DENND1A: variants seen among roughly 807,000 people sequenced by gnomAD.
The protein encoded by DENND1A is DENN domain-containing protein 1A.
DENND1A carries 51 observed loss-of-function variants against 113.7 expected under a neutral mutation model. The observed-to-expected ratio is 0.45, with a 90% confidence interval of 0.36 to 0.57. The LOEUF (loss-of-function observed/expected upper bound fraction) is 0.57. DENND1A is among the 20% of genes least tolerant of loss of function. DENND1A has a pLI of 0.00. For synonymous variants in DENND1A, 565 were observed against 570.8 expected (o/e 0.99, Z 0.14); for missense variants, 1,258 against 1,395.9 (o/e 0.90, Z 1.57).
At chr9:123,711,513 G>GTGTATATATATACATATA (rs1369120234) in intron 5 of DENND1A, among the ~76,000 whole-genome samples, 6 of 120,986 alleles carry the variant, frequency 5.0e-5, no homozygotes, top group African/African-American at 2.0e-4. Context: ...ATGTATATAT[G>GTGTATATATATACATATA]TATATATATA....
rs557753681 is a variant in DENND1A at position 123,427,186 on chromosome 9, C to A, written c.1488+13174G>T. Among the ~76,000 whole-genome samples, 8 of 152,342 alleles carry A rather than the reference C, an allele frequency of 5.3e-5. No homozygotes were observed. In the East Asian group the frequency reaches 9.6e-4, roughly 18 times the overall value. ...TGATCACACAAGCACAAATCTGGGC[C>A]TTTCAAAACTACCAGATGGATTCTG... On this transcript the variant is annotated intron_variant, in intron 19 of 23. Transcript: ENST00000394215.
intron 10 of DENND1A, among the ~76,000 whole-genome samples, chr9:123,628,549 C>T (rs548116135): frequency 9.2e-5 from 14 of 152,218 alleles, no homozygotes; most frequent in Non-Finnish European, 1.5e-4. Context: ...AAAACACTCC[C>T]TGAGGAACAG....
intron 9 of DENND1A, among the ~76,000 whole-genome samples, chr9:123,643,020 T>C (rs925973564): frequency 6.6e-6 from 1 of 152,116 alleles, no homozygotes; most frequent in African/African-American, 2.4e-5. Flanking sequence ...ACTCAGACAA[T>C]GGATGCTGTC....
chr9:123,828,386 T>C (rs975035547), intron 2 of DENND1A, among the ~76,000 whole-genome samples: 1 of 152,012 alleles, frequency 6.6e-6, no homozygotes, highest in Non-Finnish European at 1.5e-5. Context: ...GAGTAAGTTA[T>C]ATATGAACTA....
At chr9:123,669,936 T>C (rs185570684) in intron 7 of DENND1A, among the ~76,000 whole-genome samples, 11 of 152,284 alleles carry the variant, frequency 7.2e-5, no homozygotes, top group African/African-American at 2.6e-4. Flanking sequence ...AGGCTTGAAG[T>C]TAGCCCTGGC....
chr9:123,746,467 C>T lies in DENND1A; in HGVS notation c.302+11236G>A, dbSNP rs77768222. Among the ~76,000 whole-genome samples, 848 of 152,258 alleles carry T rather than the reference C, an allele frequency of 5.6e-3. 4 individuals are homozygous for T. The highest frequency in any genetic ancestry group is 0.024 in the South Asian group (116 of 4,824). On this transcript the variant is annotated intron_variant, in intron 5 of 23. Transcript: ENST00000394215. ...CAGTTTGAATATCCCTTATCCAAAA[C>T]ATATGGGACCAGAAATGTTTCAGAT...
intron 11 of DENND1A, among the ~76,000 whole-genome samples, chr9:123,597,452 C>T (rs891689626): frequency 6.6e-6 from 1 of 152,142 alleles, no homozygotes; most frequent in Admixed American, 6.5e-5. Context: ...ACCCACGAGC[C>T]TAGGAGCCCT....
intron 2 of DENND1A, among the ~76,000 whole-genome samples, chr9:123,825,487 T>A (rs1219357559): frequency 6.6e-6 from 1 of 152,156 alleles, no homozygotes; most frequent in Non-Finnish European, 1.5e-5. Context: ...TCTCAAATGA[T>A]CCTGAAATGT....
chr9:123,669,493 G>C (rs749810583), intron 7 of DENND1A, among the ~76,000 whole-genome samples: 1 of 152,212 alleles, frequency 6.6e-6, no homozygotes, highest in Non-Finnish European at 1.5e-5. Context: ...AAACAGCTGC[G>C]CCACCCCAGC....
At chr9:123,615,301 T>C (rs986271149) in intron 10 of DENND1A, among the ~76,000 whole-genome samples, 4 of 152,238 alleles carry the variant, frequency 2.6e-5, no homozygotes, top group Non-Finnish European at 5.9e-5. Context: ...AAATCATTCA[T>C]CTGACGTCAC....
At chr9:123,517,935 T>G (rs1320806793) in intron 13 of DENND1A, among the ~76,000 whole-genome samples, 1 of 152,214 alleles carries the variant, frequency 6.6e-6, no homozygotes, top group Non-Finnish European at 1.5e-5. Context: ...TCTATGCTTT[T>G]CTGTCTTTTC....
At chr9:123,651,803 T>A (rs2062674629) in intron 9 of DENND1A, among the ~76,000 whole-genome samples, 1 of 152,120 alleles carries the variant, frequency 6.6e-6, no homozygotes, top group South Asian at 2.1e-4. Flanking sequence ...AATGGAAAGC[T>A]ATTTATAATT....
chr9:123,652,741 T>G (rs930183162), intron 8 of DENND1A, among the ~76,000 whole-genome samples: 2 of 152,136 alleles, frequency 1.3e-5, no homozygotes, highest in Non-Finnish European at 2.9e-5. Context: ...TTTCGAACAT[T>G]TACAATTTCC....
chr9:123,540,230 T>A (rs1209839841), intron 13 of DENND1A, among the ~76,000 whole-genome samples: 2 of 152,244 alleles, frequency 1.3e-5, no homozygotes, highest in African/African-American at 4.8e-5. Flanking sequence ...TGCTGTATTA[T>A]CTAACTTAAT....
chr9:123,466,066 T>C (rs1247741740), intron 13 of DENND1A, among the ~76,000 whole-genome samples: 1 of 152,190 alleles, frequency 6.6e-6, no homozygotes, highest in African/African-American at 2.4e-5. Flanking sequence ...AGTGGCGCGA[T>C]CTCGGCTCAC....
intron 13 of DENND1A, among the ~76,000 whole-genome samples, chr9:123,469,785 G>A (rs1316060166): frequency 2.6e-5 from 4 of 152,190 alleles, no homozygotes; most frequent in Non-Finnish European, 4.4e-5. Context: ...TCACAGCATC[G>A]CGTGAGGTAG....
At chr9:123,718,894 A>G (rs909179269) in intron 5 of DENND1A, among the ~76,000 whole-genome samples, 10 of 152,216 alleles carry the variant, frequency 6.6e-5, no homozygotes, top group African/African-American at 2.4e-4. Flanking sequence ...TGTAGCTCCC[A>G]TAATTCCCAC....
intron 20 of DENND1A, among the ~76,000 whole-genome samples, chr9:123,409,047 TATC>T (rs2044104370): frequency 6.6e-6 from 1 of 152,132 alleles, no homozygotes; most frequent in African/African-American, 2.4e-5. Context: ...AGGCAGGACT[TATC>T]ATCAGGCCTG....
At chr9:123,860,435 A>T (rs1227760459) in intron 2 of DENND1A, among the ~76,000 whole-genome samples, 1 of 152,256 alleles carries the variant, frequency 6.6e-6, no homozygotes, top group Non-Finnish European at 1.5e-5. Context: ...CCATAGTGAG[A>T]TAGAACAGCT....
Sources: gnomAD v4.1 joint callset for allele counts (sites outside exome capture counted in the v4.1 genomes callset) on GRCh38, gnomAD v4.1.1 for gene constraint, MANE v1.5 for transcripts, NCBI Gene and HGNC (gene_info 2026-07-23, HGNC 2026-07-21) for gene names.